CLEC16A: variants seen among roughly 807,000 people sequenced by gnomAD.
CLEC16A encodes C-type lectin domain containing 16A.
A neutral mutation model predicts 109.5 loss-of-function variants in CLEC16A; 51 were observed. That is an observed-to-expected ratio of 0.47 (90% CI 0.37 to 0.59). The LOEUF is 0.59. Ranked by LOEUF, CLEC16A falls within the 20% of genes least tolerant of loss-of-function variation. The probability of loss-of-function intolerance (pLI) is 0.00; values close to 1 mark genes in which losing one functional copy is unlikely to be tolerated. For missense variants in CLEC16A, 1,339 were observed against 1,394.0 expected, an observed-to-expected ratio of 0.96 and a Z score of 0.63; for synonymous variants, 673 against 564.2, an observed-to-expected ratio of 1.19 and a Z score of -2.73.
At chr16:11,148,267 C>T (rs758729501) in intron 22 of CLEC16A, among the ~76,000 whole-genome samples, 12 of 152,182 alleles carry the variant, frequency 7.9e-5, no homozygotes, top group Non-Finnish European at 1.5e-4. Context: ...CCGGCAACCA[C>T]GTCCAACTCA....
intron 13 of CLEC16A, chr16:11,026,884 C>T: frequency 1.4e-6 from 1 of 695,996 alleles, no homozygotes; most frequent in Non-Finnish European, 2.4e-6. Flanking sequence ...ACCTCAATGG[C>T]TCACTATGGC....
At chr16:11,031,901 T>G (rs1488695118) in intron 13 of CLEC16A, among the ~76,000 whole-genome samples, 4 of 152,214 alleles carry the variant, frequency 2.6e-5, no homozygotes, top group Non-Finnish European at 5.9e-5. Context: ...AATTTCCTCA[T>G]GTAATTAGTT....
intron 11 of CLEC16A, among the ~76,000 whole-genome samples, chr16:11,017,877 C>G (rs1395584658): frequency 1.3e-5 from 2 of 151,590 alleles, no homozygotes; most frequent in African/African-American, 4.9e-5. Flanking sequence ...CCAGAGGAAC[C>G]TAAGAATGAG....
intron 2 of CLEC16A, among the ~76,000 whole-genome samples, chr16:10,959,747 G>A (rs2042168343): frequency 6.6e-6 from 1 of 151,564 alleles, no homozygotes; most frequent in Non-Finnish European, 1.5e-5. Context: ...TTGGGTTAAA[G>A]ATGAGAAACT....
rs528307548 is a variant in CLEC16A, at chr16:11,174,286, C to G, written c.2807-4049C>G. On this transcript the variant is annotated intron_variant, in intron 23 of 23. Transcript: ENST00000409790. The surrounding 1 kb of genome is among the most constrained non-coding windows in gnomAD (Gnocchi z 4.7). ...ACGCACAGTCAATTCAGGCAGGTCTCCCCTGTGAGCCGCTCGGGCCGCGAC... is the reference window on the plus strand; with the variant it reads ...ACGCACAGTCAATTCAGGCAGGTCTGCCCTGTGAGCCGCTCGGGCCGCGAC... 45 of 454,392 alleles carry G rather than the reference C, an allele frequency of 9.9e-5. No homozygotes were observed. The highest frequency in any genetic ancestry group is 6.8e-4 in the South Asian group (44 of 64,366). 28.1% of individuals were successfully genotyped at this position (454,392 alleles called of 1,614,324 possible). A position where few individuals can be genotyped will look rare whatever the true frequency, so the allele number is the denominator to read the frequency against.
At chr16:11,009,573 C>T (rs568790248) in intron 11 of CLEC16A, among the ~76,000 whole-genome samples, 12 of 152,092 alleles carry the variant, frequency 7.9e-5, no homozygotes, top group Admixed American at 1.3e-4. Context: ...CTCCTAGAGG[C>T]GGGAAACTTC....
chr16:11,108,564 C>T (rs2051362790), intron 19 of CLEC16A, among the ~76,000 whole-genome samples: 1 of 152,242 alleles, frequency 6.6e-6, no homozygotes, highest in African/African-American at 2.4e-5. Flanking sequence ...CTCTCTCTGG[C>T]CTCAGCCAGG....
At chr16:11,107,617 C>T (rs1000825667) in intron 19 of CLEC16A, among the ~76,000 whole-genome samples, 4 of 152,138 alleles carry the variant, frequency 2.6e-5, no homozygotes, top group African/African-American at 4.8e-5. Context: ...CGGAGTGAGT[C>T]GAGGCTCAGG....
chr16:11,145,530 A>G (rs2054015736), intron 22 of CLEC16A, among the ~76,000 whole-genome samples: 1 of 152,250 alleles, frequency 6.6e-6, no homozygotes. Context: ...GGGCTGGGTA[A>G]CTTCTTTAAG....
chr16:11,046,931 C>G (rs957821958), intron 16 of CLEC16A, among the ~76,000 whole-genome samples: 2 of 152,188 alleles, frequency 1.3e-5, no homozygotes, highest in Non-Finnish European at 2.9e-5. Flanking sequence ...ACAGGATTGT[C>G]CATTTCTCCA....
At chr16:11,080,035 A>G (rs1024306320) in intron 19 of CLEC16A, among the ~76,000 whole-genome samples, 5 of 152,184 alleles carry the variant, frequency 3.3e-5, no homozygotes, top group African/African-American at 7.2e-5. Flanking sequence ...TGTTCCTATC[A>G]TAGCACAGTA....
At chr16:11,057,282 C>G (rs921908120) in intron 18 of CLEC16A, among the ~76,000 whole-genome samples, 2 of 152,246 alleles carry the variant, frequency 1.3e-5, no homozygotes, top group African/African-American at 4.8e-5. Flanking sequence ...AACTAGGCAG[C>G]TTGCACATGC....
rs201377682 is a variant in CLEC16A, at chr16:11,047,352, G to T, written c.1866+10G>T. The T allele has an allele frequency of 3.7e-6, 6 of 1,603,356 alleles. No individual in the cohort carries two copies. The highest frequency in any genetic ancestry group is 5.1e-6 in the Non-Finnish European group (6 of 1,174,898). ...GTATAGGAGCATGACAGTAAGTGAG[G>T]GGCTGGGACACACTTGGGCTGGTGT... is the stretch of plus-strand genomic sequence containing the variant. On this transcript the variant is annotated intron_variant, in intron 17 of 23. Transcript: ENST00000409790.
intron 4 of CLEC16A, 93 bp from the exon 5 acceptor site, chr16:10,971,032 T>TTC: frequency 1.5e-6 from 1 of 676,020 alleles, no homozygotes; most frequent in South Asian, 2.2e-5. Context: ...TTTTGTCTTT[T>TTC]TCTGAAGTCT....
intron 19 of CLEC16A, among the ~76,000 whole-genome samples, chr16:11,117,055 C>A (rs938625615): frequency 6.6e-6 from 1 of 152,104 alleles, no homozygotes; most frequent in Non-Finnish European, 1.5e-5. Flanking sequence ...CAGCTGGCAG[C>A]CTAAGTGAAT....
chr16:11,148,638 C>A (rs2054166493), intron 22 of CLEC16A, among the ~76,000 whole-genome samples: 1 of 152,216 alleles, frequency 6.6e-6, no homozygotes, highest in African/African-American at 2.4e-5. Context: ...CCAAAGCCCA[C>A]CATCTTAGCT....
intron 19 of CLEC16A, among the ~76,000 whole-genome samples, chr16:11,100,167 G>A (rs2050832037): frequency 6.6e-6 from 1 of 152,170 alleles, no homozygotes; most frequent in South Asian, 2.1e-4. Context: ...AGCTGAAGAA[G>A]GTGCAGGAGT....
At chr16:10,998,633 C>CT (rs2044473381) in intron 10 of CLEC16A, among the ~76,000 whole-genome samples, 1 of 152,138 alleles carries the variant, frequency 6.6e-6, no homozygotes, top group East Asian at 1.9e-4. Context: ...GAAAGTTTGG[C>CT]TTTTTTTCCC....
chr16:11,043,089 C>T (rs991366236), intron 15 of CLEC16A, among the ~76,000 whole-genome samples: 2 of 151,920 alleles, frequency 1.3e-5, no homozygotes, highest in African/African-American at 4.8e-5. Flanking sequence ...TACACACACA[C>T]ACACACATGC....
Sources: gnomAD v4.1 joint callset for allele counts (sites outside exome capture counted in the v4.1 genomes callset) on GRCh38, gnomAD v4.1.1 for gene constraint, Gnocchi (gnomAD v3.1) non-coding constraint, MANE v1.5 for transcripts, NCBI Gene and HGNC (gene_info 2026-07-23, HGNC 2026-07-21) for gene names.